Variants in CHCHD3 observed in about 807,000 individuals in gnomAD.
The protein encoded by CHCHD3 is coiled-coil-helix-coiled-coil-helix domain containing 3.
A neutral mutation model predicts 38.2 loss-of-function variants in CHCHD3; 20 were observed. The observed-to-expected ratio is 0.52, with a 90% CI of 0.37 to 0.76. CHCHD3 has a LOEUF of 0.76. Ranked by LOEUF, CHCHD3 falls within the 30% of genes least tolerant of loss-of-function variation. The pLI, the probability that CHCHD3 is intolerant of heterozygous loss-of-function variation, is 0.00. For missense variants in CHCHD3, 245 were observed against 279.2 expected (o/e 0.88, Z 0.87); for synonymous variants, 82 against 100.0 (o/e 0.82, Z 1.07).
At chr7:132,856,889 C>T (rs1279118839) in intron 5 of CHCHD3, among the ~76,000 whole-genome samples, 1 of 152,182 alleles carries the variant, frequency 6.6e-6, no homozygotes, top group Non-Finnish European at 1.5e-5. Context: ...TGGGGGTTCA[C>T]TCATTTATCT....
chr7:132,827,832 T>TATC lies in CHCHD3; in HGVS notation c.524+10566_524+10567insGAT, dbSNP rs1807544787. On this transcript the variant is annotated intron_variant, in intron 6 of 7. Coordinates refer to ENST00000262570, the MANE Select transcript of CHCHD3 (RefSeq NM_017812.4). ...TACCATGATGTTTGAGATCCATCCG[T>TATC]GCTGTTACATGTATCGATAGTTTGC... 2.6e-5 allele frequency among the ~76,000 whole-genome samples: 4 copies of TATC among 152,346 alleles called. No individual in the cohort carries two copies. The South Asian group carries it at 8.3e-4, about 32-fold the overall frequency.
intron 4 of CHCHD3, among the ~76,000 whole-genome samples, chr7:132,963,643 A>AG (rs1167028063): frequency 1.4e-5 from 2 of 147,718 alleles, no homozygotes; most frequent in African/African-American, 2.5e-5. Flanking sequence ...AAAAAAAAAA[A>AG]TTGTAATTTC....
intron 6 of CHCHD3, among the ~76,000 whole-genome samples, chr7:132,805,489 A>AG (rs959028286): frequency 2.0e-5 from 3 of 152,030 alleles, no homozygotes; most frequent in African/African-American, 7.2e-5. Flanking sequence ...CTCAGGTTGT[A>AG]GTAGAGGGTT....
chr7:132,891,502 C>G (rs1374841193), intron 4 of CHCHD3, among the ~76,000 whole-genome samples: 1 of 152,218 alleles, frequency 6.6e-6, no homozygotes, highest in African/African-American at 2.4e-5. Flanking sequence ...AATCTGAAGT[C>G]TGGAACTCAA....
chr7:132,952,633 T>C (rs1182001309), intron 4 of CHCHD3, among the ~76,000 whole-genome samples: 1 of 152,346 alleles, frequency 6.6e-6, no homozygotes, highest in East Asian at 1.9e-4. Flanking sequence ...TACCAAATAC[T>C]ATAAACATAG....
At chr7:132,988,256 A>G (rs1812177060) in intron 3 of CHCHD3, among the ~76,000 whole-genome samples, 2 of 151,746 alleles carry the variant, frequency 1.3e-5, no homozygotes, top group Non-Finnish European at 2.9e-5. Flanking sequence ...ACTCAGCCCA[A>G]CTTCAGAGCC....
At chr7:132,948,953 T>C (rs1204707344) in intron 4 of CHCHD3, among the ~76,000 whole-genome samples, 1 of 152,154 alleles carries the variant, frequency 6.6e-6, no homozygotes, top group Admixed American at 6.6e-5. Flanking sequence ...GACAACTCTT[T>C]AGCACCACAA....
At chr7:132,824,579 G>A (rs1253773525) in intron 6 of CHCHD3, among the ~76,000 whole-genome samples, 1 of 152,138 alleles carries the variant, frequency 6.6e-6, no homozygotes, top group African/African-American at 2.4e-5. Context: ...CTCCCAAAGT[G>A]CTGGGATTAC....
At chr7:132,858,677 C>G (rs1478936849) in intron 5 of CHCHD3, among the ~76,000 whole-genome samples, 1 of 152,106 alleles carries the variant, frequency 6.6e-6, no homozygotes, top group African/African-American at 2.4e-5. Flanking sequence ...AAAACTAAAG[C>G]CTTCCTGATT....
intron 4 of CHCHD3, among the ~76,000 whole-genome samples, chr7:132,936,855 GC>G (rs1300066073): frequency 6.6e-6 from 1 of 152,170 alleles, no homozygotes; most frequent in African/African-American, 2.4e-5. Context: ...AGCCCCCATT[GC>G]TTGCAGTTAA....
chr7:133,078,263 C>T lies in CHCHD3; in HGVS notation c.81+3594G>A, dbSNP rs113585415. On this transcript the variant is annotated intron_variant, in intron 1 of 7. Transcript: ENST00000262570. ...GGCAGAGGTTGCAGCAAGCTGAGAT[C>T]ATGCCACTGCCCTCCAGCCTGGGTG... 6.5e-3 allele frequency among the ~76,000 whole-genome samples: 991 copies of T among 152,292 alleles called. 8 individuals are homozygous for T. The highest frequency in any genetic ancestry group is 0.031 in the Middle Eastern group (9 of 294).
Position 132,920,656 on chromosome 7 carries a change from T to C in CHCHD3, c.370-34911A>G, listed in dbSNP as rs115993668. Among the ~76,000 whole-genome samples the C allele has an allele frequency of 6.5e-3, 989 of 152,312 alleles. 10 individuals carry two copies. Among genetic ancestry groups the C allele is most frequent in the African/African-American group, 0.022 (917 of 41,566 alleles). ...GATGCTGACAGAATGCTTTTGTGTG[T>C]TTTAGAAGCAAGTAAACAAATGGCC... On this transcript the variant is annotated intron_variant, in intron 4 of 7. Transcript: ENST00000262570.
intron 6 of CHCHD3, among the ~76,000 whole-genome samples, chr7:132,824,983 C>G (rs1807472311): frequency 6.6e-6 from 1 of 152,126 alleles, no homozygotes; most frequent in South Asian, 2.1e-4. Flanking sequence ...CTTATAACAA[C>G]CATATGGAAT....
Position 132,852,835 on chromosome 7 carries a change from G to C in CHCHD3, c.454-14366C>G, listed in dbSNP as rs1035884442. On this transcript the variant is annotated intron_variant, in intron 5 of 7. Coordinates refer to ENST00000262570, the MANE Select transcript of CHCHD3 (RefSeq NM_017812.4). The stretch of plus-strand genomic sequence containing the variant: ...TTCCTCCCACTTTTGCCTAGAACCT[G>C]ACTTTTTAAAATAAGATTGCATCAA... Among the ~76,000 whole-genome samples, 4 of 152,270 alleles carry C rather than the reference G, an allele frequency of 2.6e-5. No homozygotes were observed. In the East Asian group the frequency reaches 7.7e-4, roughly 29 times the overall value.
intron 6 of CHCHD3, among the ~76,000 whole-genome samples, chr7:132,811,139 C>G (rs1807059859): frequency 6.6e-6 from 1 of 152,192 alleles, no homozygotes; most frequent in South Asian, 2.1e-4. Flanking sequence ...CTGCACCCAT[C>G]TTCTTTTCTA....
At chr7:132,942,553 C>T (rs1409721974) in intron 4 of CHCHD3, among the ~76,000 whole-genome samples, 3 of 152,108 alleles carry the variant, frequency 2.0e-5, no homozygotes, top group Non-Finnish European at 4.4e-5. Flanking sequence ...TGTAATTTTA[C>T]ATTATTGAAT....
chr7:132,993,856 C>T (rs1812345317), intron 3 of CHCHD3, among the ~76,000 whole-genome samples: 1 of 152,182 alleles, frequency 6.6e-6, no homozygotes. Context: ...TCACATCTGT[C>T]GTCAGATGTG....
At chr7:132,805,941 C>A (rs1022783783) in intron 6 of CHCHD3, among the ~76,000 whole-genome samples, 1 of 152,190 alleles carries the variant, frequency 6.6e-6, no homozygotes, top group African/African-American at 2.4e-5. Flanking sequence ...CACCTCCTCA[C>A]CACGATCTAA....
At chr7:132,796,938 C>T (rs1283643635) in intron 6 of CHCHD3, among the ~76,000 whole-genome samples, 1 of 152,124 alleles carries the variant, frequency 6.6e-6, no homozygotes, top group African/African-American at 2.4e-5. Context: ...TCCCTACGGC[C>T]TGGTCCTCCT....
Sources: gnomAD v4.1 joint callset for allele counts (sites outside exome capture counted in the v4.1 genomes callset) on GRCh38, gnomAD v4.1.1 for gene constraint, MANE v1.5 for transcripts, NCBI Gene and HGNC (gene_info 2026-07-23, HGNC 2026-07-21) for gene names.